The following MYO1E variants were observed in gnomAD, a reference collection of about 807,000 sequenced individuals.
MYO1E encodes the protein myosin IE.
MYO1E carries 68 observed loss-of-function variants against 151.1 expected under a neutral mutation model. The ratio of observed to expected loss-of-function variants is 0.45; its 90% CI spans 0.37 to 0.55. MYO1E has a LOEUF of 0.55. Ranked by LOEUF, MYO1E falls within the 20% of genes least tolerant of loss-of-function variation. The probability of loss-of-function intolerance (pLI) is 0.00; values close to 1 mark genes in which losing one functional copy is unlikely to be tolerated. For synonymous variants in MYO1E, 601 were observed against 501.7 expected (o/e 1.20, Z -2.64); for missense variants, 1,363 against 1,389.3 (o/e 0.98, Z 0.30).
chr15:59,225,775 T>C (rs1272823741), intron 7 of MYO1E, among the ~76,000 whole-genome samples: 1 of 151,782 alleles, frequency 6.6e-6, no homozygotes, highest in African/African-American at 2.4e-5. Context: ...GCCTCCTGAG[T>C]AGCTGGGACT....
intron 26 of MYO1E, among the ~76,000 whole-genome samples, chr15:59,142,946 G>A (rs959131144): frequency 2.6e-4 from 38 of 144,310 alleles, no homozygotes; most frequent in Non-Finnish European, 4.2e-4. Context: ...AAAAAAAGGC[G>A]TCTAGATTGT....
At chr15:59,334,168 C>T (rs936595564) in intron 1 of MYO1E, among the ~76,000 whole-genome samples, 4 of 152,062 alleles carry the variant, frequency 2.6e-5, no homozygotes, top group Non-Finnish European at 5.9e-5. Context: ...GTAGTTCCAG[C>T]GACTCAGGAA....
In MYO1E at chr15:59,224,843, GT is replaced by G. The variant is rs1405972705; in HGVS notation, c.643-21del. ...GATGAGCTGGAGCAAGAGAACACAG[GT>G]TGAGCCATGATGTGGACCACAAGGC... On this transcript the variant is annotated intron_variant, in intron 7 of 27. Coordinates refer to ENST00000288235, the MANE Select transcript of MYO1E (RefSeq NM_004998.4). 3.1e-6 allele frequency: 5 copies of G among 1,613,978 alleles called. No homozygotes were observed. The African/African-American group carries it at 6.7e-5, about 22-fold the overall frequency.
chr15:59,203,825 G>C (rs1252903837), intron 15 of MYO1E, among the ~76,000 whole-genome samples: 1 of 152,208 alleles, frequency 6.6e-6, no homozygotes, highest in Non-Finnish European at 1.5e-5. Flanking sequence ...ATATGTATTT[G>C]CTGACTGGGT....
intron 26 of MYO1E, among the ~76,000 whole-genome samples, chr15:59,152,877 G>A (rs1402341558): frequency 6.6e-6 from 1 of 152,020 alleles, no homozygotes; most frequent in Non-Finnish European, 1.5e-5. Flanking sequence ...TACATACGAG[G>A]GCAACTCATA....
chr15:59,326,867 T>C (rs1352641226), intron 1 of MYO1E, among the ~76,000 whole-genome samples: 3 of 152,244 alleles, frequency 2.0e-5, no homozygotes, highest in Non-Finnish European at 2.9e-5. Flanking sequence ...CTACCTCTTA[T>C]GGGCTGAGTG....
intron 1 of MYO1E, among the ~76,000 whole-genome samples, chr15:59,307,759 C>G (rs1376048560): frequency 1.3e-5 from 2 of 151,912 alleles, no homozygotes; most frequent in African/African-American, 4.8e-5. Flanking sequence ...TATAGGCATG[C>G]ACCACTATGG....
At chr15:59,294,520 AT>A (rs559776125) in intron 1 of MYO1E, among the ~76,000 whole-genome samples, 140 of 152,338 alleles carry the variant, frequency 9.2e-4, no homozygotes, top group African/African-American at 3.2e-3. Context: ...TGGTCACGTC[AT>A]GCCATATACC....
chr15:59,222,919 C>A, intron 9 of MYO1E, 140 bp downstream of exon 9: 1 of 1,321,650 alleles, frequency 7.6e-7, no homozygotes, highest in Non-Finnish European at 1.1e-6. Flanking sequence ...TGAAGCCATT[C>A]TGTTTGCCAC....
chr15:59,282,585 C>CCT (rs2080359048), intron 1 of MYO1E, among the ~76,000 whole-genome samples: 1 of 151,828 alleles, frequency 6.6e-6, no homozygotes, highest in African/African-American at 2.4e-5. Context: ...GTGGCTCATG[C>CCT]CTATAATCCC....
In MYO1E at chr15:59,205,532, T is replaced by C. The variant is rs370010832; in HGVS notation, c.1531-47A>G. Reference sequence around the variant, plus strand: ...TCGAATTTCATTGAACAAAATGTAATTAATTGAACAAAATCATTTATTGAA... The same window carrying C: ...TCGAATTTCATTGAACAAAATGTAACTAATTGAACAAAATCATTTATTGAA... On this transcript the variant is annotated intron_variant, in intron 14 of 27. Transcript: ENST00000288235. 2,892 of 1,508,670 alleles carry C rather than the reference T, an allele frequency of 1.9e-3. 1 individual carries two copies. The highest frequency in any genetic ancestry group is 2.5e-3 in the Non-Finnish European group (2,735 of 1,097,006). The allele number at this position is 1,508,670 out of a possible 1,614,324, so 93.5% of individuals were successfully genotyped here.
At chr15:59,210,287 T>C (rs929517979) in intron 13 of MYO1E, among the ~76,000 whole-genome samples, 2 of 151,944 alleles carry the variant, frequency 1.3e-5, no homozygotes, top group African/African-American at 4.8e-5. Context: ...CAATAACAAC[T>C]TCCATTTGTA....
At chr15:59,319,846 G>C (rs1446718946) in intron 1 of MYO1E, among the ~76,000 whole-genome samples, 1 of 152,078 alleles carries the variant, frequency 6.6e-6, no homozygotes. Context: ...AGGTTGCAGT[G>C]AGCCGAGACC....
chr15:59,254,356 T>TA (rs2080182199), intron 4 of MYO1E, among the ~76,000 whole-genome samples: 1 of 152,126 alleles, frequency 6.6e-6, no homozygotes, highest in Non-Finnish European at 1.5e-5. Flanking sequence ...CCCAGCTAAT[T>TA]AAAAAAACTT....
chr15:59,277,750 T>C (rs2080329765), intron 1 of MYO1E, among the ~76,000 whole-genome samples: 1 of 152,210 alleles, frequency 6.6e-6, no homozygotes, highest in African/African-American at 2.4e-5. Context: ...AGGAGTACTT[T>C]GCAGTCATTA....
chr15:59,201,286 T>C (rs1189908654), intron 16 of MYO1E, among the ~76,000 whole-genome samples: 3 of 151,784 alleles, frequency 2.0e-5, no homozygotes, highest in African/African-American at 7.3e-5. Context: ...AGAGATGGGG[T>C]TCTCATTATA....
intron 1 of MYO1E, among the ~76,000 whole-genome samples, chr15:59,335,559 A>G (rs1454578371): frequency 6.6e-6 from 1 of 152,120 alleles, no homozygotes; most frequent in African/African-American, 2.4e-5. Context: ...TGTCCCACAC[A>G]TAAGCCAGGG....
intron 1 of MYO1E, among the ~76,000 whole-genome samples, chr15:59,315,535 C>T (rs1316449932): frequency 2.0e-5 from 3 of 148,406 alleles, no homozygotes; most frequent in African/African-American, 7.6e-5. Context: ...CACATGTACC[C>T]TAGAACTAAA....
intron 1 of MYO1E, among the ~76,000 whole-genome samples, chr15:59,339,219 A>T (rs1188171567): frequency 6.6e-6 from 1 of 152,258 alleles, no homozygotes; most frequent in South Asian, 2.1e-4. Flanking sequence ...AAACCTCAAT[A>T]GACAGAAACC....
Sources: gnomAD v4.1 joint callset for allele counts (sites outside exome capture counted in the v4.1 genomes callset) on GRCh38, gnomAD v4.1.1 for gene constraint, MANE v1.5 for transcripts, NCBI Gene and HGNC (gene_info 2026-07-23, HGNC 2026-07-21) for gene names.